The following ELAPOR2 variants were observed in gnomAD, a reference collection of about 807,000 sequenced individuals.
The protein encoded by ELAPOR2 is endosome-lysosome associated apoptosis and autophagy regulator family member 2, also known as endosome/lysosome-associated apoptosis and autophagy regulator family member 2.
In ELAPOR2, 89 loss-of-function variants were observed where a neutral mutation model predicts 120.7. The observed-to-expected ratio is 0.74, with a 90% confidence interval of 0.62 to 0.88. The LOEUF (loss-of-function observed/expected upper bound fraction) is 0.88, where lower values mean the gene tolerates loss of function less well. Ranked by LOEUF, ELAPOR2 falls within the 40% of genes least tolerant of loss-of-function variation. The probability of loss-of-function intolerance (pLI) is 0.00; values close to 1 mark genes in which losing one functional copy is unlikely to be tolerated. For missense variants in ELAPOR2, 1,134 were observed against 1,251.6 expected (o/e 0.91, Z 1.42); for synonymous variants, 444 against 444.9 (o/e 1.00, Z 0.03).
intron 18 of ELAPOR2, among the ~76,000 whole-genome samples, chr7:86,906,347 A>G (rs1789015077): frequency 6.6e-6 from 1 of 151,996 alleles, no homozygotes; most frequent in African/African-American, 2.4e-5. Flanking sequence ...ATTAGGTACT[A>G]CTCTTGTTGC....
At chr7:86,939,962 A>C in intron 6 of ELAPOR2, 48 bp downstream of exon 6, 3 of 1,162,528 alleles carry the variant, frequency 2.6e-6, no homozygotes, top group Non-Finnish European at 3.7e-6. Flanking sequence ...ATTTTAACTA[A>C]CTGTAAGATG....
chr7:86,961,239 T>A (rs998528312), intron 2 of ELAPOR2, among the ~76,000 whole-genome samples: 1 of 152,160 alleles, frequency 6.6e-6, no homozygotes, highest in African/African-American at 2.4e-5. Flanking sequence ...ATTAAAGATA[T>A]CTTAATCATC....
At chr7:86,934,263 C>CAT (rs925131968) in intron 8 of ELAPOR2, among the ~76,000 whole-genome samples, 39 of 152,042 alleles carry the variant, frequency 2.6e-4, no homozygotes, top group Non-Finnish European at 5.0e-4. Flanking sequence ...AGTAATTCTC[C>CAT]ATGTTTGTTT....
chr7:86,959,137 T>C (rs945815986), intron 2 of ELAPOR2, among the ~76,000 whole-genome samples: 1 of 152,228 alleles, frequency 6.6e-6, no homozygotes, highest in African/African-American at 2.4e-5. Flanking sequence ...TATTAGTGTA[T>C]AGAAATGCAA....
intron 1 of ELAPOR2, among the ~76,000 whole-genome samples, chr7:86,990,130 T>C (rs1792894266): frequency 6.6e-6 from 1 of 152,112 alleles, no homozygotes; most frequent in Non-Finnish European, 1.5e-5. Flanking sequence ...CACTGCAACC[T>C]CCGCCTCCTG....
At chr7:86,902,878 C>T (rs1788788245) in intron 18 of ELAPOR2, among the ~76,000 whole-genome samples, 1 of 152,148 alleles carries the variant, frequency 6.6e-6, no homozygotes, top group African/African-American at 2.4e-5. Flanking sequence ...GTGTCTGCAA[C>T]CCTACTCTTT....
chr7:86,941,552 T>C (rs1194276320), intron 5 of ELAPOR2, among the ~76,000 whole-genome samples: 2 of 152,062 alleles, frequency 1.3e-5, no homozygotes, highest in African/African-American at 4.8e-5. Context: ...CAAAACAAGC[T>C]TGAATATCAC....
At chr7:86,956,757 T>C (rs1274837264) in intron 2 of ELAPOR2, among the ~76,000 whole-genome samples, 4 of 152,138 alleles carry the variant, frequency 2.6e-5, no homozygotes, top group South Asian at 2.1e-4. Flanking sequence ...TCTCAGTTCA[T>C]TGGGCACAGG....
chr7:86,893,180 T>C (rs1333133213), intron 19 of ELAPOR2, 80 bp from the exon 20 acceptor site: 1 of 1,123,174 alleles, frequency 8.9e-7, no homozygotes, highest in African/African-American at 1.7e-5. Context: ...GATTTGTCAC[T>C]GGTCAATTTC....
chr7:87,026,054 T>C (rs1314366926), intron 1 of ELAPOR2, among the ~76,000 whole-genome samples: 1 of 152,130 alleles, frequency 6.6e-6, no homozygotes, highest in Non-Finnish European at 1.5e-5. Flanking sequence ...ATATATCTAC[T>C]TCCATATGCT....
intron 2 of ELAPOR2, among the ~76,000 whole-genome samples, chr7:86,953,414 G>A (rs1470710260): frequency 6.6e-6 from 1 of 152,162 alleles, no homozygotes; most frequent in African/African-American, 2.4e-5. Context: ...AGTTAGCACT[G>A]CTGACTTCCT....
intron 8 of ELAPOR2, among the ~76,000 whole-genome samples, chr7:86,936,452 T>C (rs1291872031): frequency 6.6e-6 from 1 of 152,100 alleles, no homozygotes; most frequent in Admixed American, 6.6e-5. Context: ...AATTCACATA[T>C]GCAATCTAAA....
chr7:87,016,029 G>A lies in ELAPOR2; in HGVS notation c.189+43296C>T, dbSNP rs1269132961. On this transcript the variant is annotated intron_variant, in intron 1 of 21. Transcript: ENST00000450689. ...ACACTCTCAAGTCTTCCCTAAATTA[G>A]TGTTGTGTCCTTTTCTGTGCTTAGT... is the stretch of plus-strand genomic sequence containing the variant. Among the ~76,000 whole-genome samples, 4 of 152,194 alleles carry A rather than the reference G, an allele frequency of 2.6e-5. No individual in the cohort carries two copies. In the East Asian group the frequency reaches 7.7e-4, roughly 29 times the overall value.
chr7:86,880,284 T>C lies in ELAPOR2; in HGVS notation c.*187A>G, dbSNP rs1489524064. On this transcript the variant is annotated 3_prime_UTR_variant, in exon 22 of 22. Transcript: ENST00000450689. ...GACCCAAATCATTTGCTTTCCTTTA[T>C]TTGGCAAGGTACTTGACCATGTGAT... The C allele has an allele frequency of 5.0e-6, 3 of 605,954 alleles. No individual in the cohort carries two copies. The highest frequency in any genetic ancestry group is 8.8e-6 in the Non-Finnish European group (3 of 342,476). The allele number at this position is 605,954 out of a possible 1,614,324, so 37.5% of individuals were successfully genotyped here. A position where few individuals can be genotyped will look rare whatever the true frequency, so the allele number is the denominator to read the frequency against.
rs752198741 is a variant in ELAPOR2, at chr7:86,940,047, C to T, written c.810G>A (p.Ala270=). 1.6e-5 allele frequency: 26 copies of T among 1,610,508 alleles called. No homozygotes were observed. Among genetic ancestry groups the T allele is most frequent in the Admixed American group, 1.5e-4 (9 of 59,752 alleles). Residue 270 remains alanine, a synonymous_variant, in exon 6 of 22, where the codon GCG becomes GCA. Coordinates refer to ENST00000450689, the MANE Select transcript of ELAPOR2 (RefSeq NM_001142749.3). The part of the protein sequence containing the change: ...RTTGILMGSK[A]VKPVLVKNIT... ...TATTTTTTACCAGCACAGGCTTGAC[C>T]GCCTTAGAACCCATAAGGATGCCTG... is the stretch of plus-strand genomic sequence containing the variant.
chr7:86,896,570 C>T (rs1250398332), intron 19 of ELAPOR2, among the ~76,000 whole-genome samples: 1 of 152,086 alleles, frequency 6.6e-6, no homozygotes, highest in East Asian at 1.9e-4. Context: ...CTGGTGCCCA[C>T]TCTCCCTTCA....
intron 12 of ELAPOR2, among the ~76,000 whole-genome samples, chr7:86,916,027 C>A (rs10277642): frequency 2.1e-3 from 313 of 152,146 alleles, no homozygotes; most frequent in African/African-American, 7.2e-3. Flanking sequence ...ATATTCAAAG[C>A]ATTTTATATA....
In ELAPOR2 at chr7:86,879,304, T is replaced by C. The variant is rs1274746028; in HGVS notation, c.*1167A>G. 1 of 152,122 alleles carries C rather than the reference T, an allele frequency of 6.6e-6. No individual in the cohort carries two copies. The highest frequency in any genetic ancestry group is 2.4e-5 in the African/African-American group (1 of 41,422). The allele number at this position is 152,122 out of a possible 1,614,324, so 9.4% of individuals were successfully genotyped here. A position where few individuals can be genotyped will look rare whatever the true frequency, so the allele number is the denominator to read the frequency against. On this transcript the variant is annotated 3_prime_UTR_variant, in exon 22 of 22. Transcript: ENST00000450689. ...AATACCAGTAGCCCACCATAGAAAATATCACAATTATCTGGATCACTTTTG... is the reference window on the plus strand; with the variant it reads ...AATACCAGTAGCCCACCATAGAAAACATCACAATTATCTGGATCACTTTTG...
intron 8 of ELAPOR2, among the ~76,000 whole-genome samples, chr7:86,937,827 T>A (rs1790630024): frequency 6.6e-6 from 1 of 152,098 alleles, no homozygotes; most frequent in Admixed American, 6.6e-5. Context: ...CTAGGAACTT[T>A]ACATTAAATA....
Sources: allele counts gnomAD v4.1 joint callset (sites outside exome capture counted in the v4.1 genomes callset), GRCh38; gene constraint gnomAD v4.1.1; transcripts MANE v1.5; gene names NCBI Gene and HGNC (gene_info 2026-07-23, HGNC 2026-07-21).